PELI2: variants seen among roughly 807,000 people sequenced by gnomAD.
PELI2 encodes the protein pellino E3 ubiquitin protein ligase family member 2.
In PELI2, 23 loss-of-function variants were observed where a neutral mutation model predicts 42.3. The ratio of observed to expected loss-of-function variants is 0.54; its 90% CI spans 0.39 to 0.77. The LOEUF is 0.77. PELI2 is among the 30% of genes least tolerant of loss of function. The pLI is 0.00. For missense variants in PELI2, 463 were observed against 553.2 expected, an observed-to-expected ratio of 0.84 and a Z score of 1.64; for synonymous variants, 245 against 212.2, an observed-to-expected ratio of 1.15 and a Z score of -1.34.
intron 2 of PELI2, among the ~76,000 whole-genome samples, chr14:56,189,824 C>A (rs1320602404): frequency 1.3e-5 from 2 of 152,108 alleles, no homozygotes; most frequent in African/African-American, 4.8e-5. Flanking sequence ...TTAAATGTAT[C>A]TTTGTTTTTG....
intron 1 of PELI2, among the ~76,000 whole-genome samples, chr14:56,155,398 G>A (rs979344716): frequency 6.6e-6 from 1 of 152,072 alleles, no homozygotes; most frequent in African/African-American, 2.4e-5. Flanking sequence ...GTAAGATACA[G>A]CTTGAAACAA....
intron 2 of PELI2, among the ~76,000 whole-genome samples, chr14:56,274,928 A>C (rs183447728): frequency 6.6e-6 from 1 of 152,310 alleles, no homozygotes; most frequent in African/African-American, 2.4e-5. Flanking sequence ...ACTGTAATAA[A>C]GTGGTTTTTA....
chr14:56,213,126 C>G (rs1886768706), intron 2 of PELI2, among the ~76,000 whole-genome samples: 1 of 152,174 alleles, frequency 6.6e-6, no homozygotes, highest in Non-Finnish European at 1.5e-5. Flanking sequence ...TAGAAAGTGA[C>G]TGCAGGTAAA....
intron 2 of PELI2, among the ~76,000 whole-genome samples, chr14:56,243,433 C>T (rs957491710): frequency 6.6e-6 from 1 of 152,158 alleles, no homozygotes; most frequent in African/African-American, 2.4e-5. Context: ...TGAGAAGCGC[C>T]TGGCCCCAGT....
In PELI2 at chr14:56,174,825, C is replaced by A. The variant is rs145066222; in HGVS notation, c.78-3510C>A. 4.4e-4 allele frequency among the ~76,000 whole-genome samples: 67 copies of A among 152,226 alleles called. No individual in the cohort carries two copies. In the South Asian group the frequency reaches 5.6e-3, roughly 13 times the overall value. On this transcript the variant is annotated intron_variant, in intron 1 of 5. Coordinates refer to ENST00000267460, the MANE Select transcript of PELI2 (RefSeq NM_021255.3). The stretch of plus-strand genomic sequence containing the variant: ...TTCTTTACAGCAGTGTGAGAATGGA[C>A]TAATACAACCAGGACGTTACAGTCG...
intron 2 of PELI2, among the ~76,000 whole-genome samples, chr14:56,204,131 G>T (rs1185988046): frequency 6.6e-6 from 1 of 152,158 alleles, no homozygotes; most frequent in Non-Finnish European, 1.5e-5. Flanking sequence ...CGATTGATGG[G>T]AACGAATATC....
chr14:56,166,334 G>A (rs1027218989), intron 1 of PELI2, among the ~76,000 whole-genome samples: 2 of 152,124 alleles, frequency 1.3e-5, no homozygotes, highest in Non-Finnish European at 1.5e-5. Flanking sequence ...TACTGACTAT[G>A]TCTTGAAATG....
chr14:56,167,727 C>T (rs183801359), intron 1 of PELI2, among the ~76,000 whole-genome samples: 35 of 152,230 alleles, frequency 2.3e-4, no homozygotes, highest in Non-Finnish European at 4.1e-4. Flanking sequence ...CGTGTTGATG[C>T]TAGTAGATGT....
At chr14:56,125,267 AAGAC>A (rs1035923789) in intron 1 of PELI2, among the ~76,000 whole-genome samples, 22 of 152,300 alleles carry the variant, frequency 1.4e-4, no homozygotes, top group African/African-American at 5.3e-4. Flanking sequence ...ACCAGCAAAC[AAGAC>A]AGACAGCTGC....
chr14:56,227,611 C>G (rs1209106189), intron 2 of PELI2, among the ~76,000 whole-genome samples: 1 of 125,126 alleles, frequency 8.0e-6, no homozygotes, highest in African/African-American at 2.6e-5. Context: ...TAGCTATAGA[C>G]TTACATGTAG....
At chr14:56,133,655 C>G (rs957943889) in intron 1 of PELI2, among the ~76,000 whole-genome samples, 1 of 152,186 alleles carries the variant, frequency 6.6e-6, no homozygotes, top group African/African-American at 2.4e-5. Flanking sequence ...ACATGCAACT[C>G]CCTCTGCCTG....
At chr14:56,276,662 C>T (rs1371559546) in intron 2 of PELI2, among the ~76,000 whole-genome samples, 9 of 152,210 alleles carry the variant, frequency 5.9e-5, no homozygotes, top group Admixed American at 5.9e-4. Context: ...GGATTTGTTT[C>T]TGCCTGCAGT....
At chr14:56,121,687 C>T (rs1288921039) in intron 1 of PELI2, among the ~76,000 whole-genome samples, 1 of 152,140 alleles carries the variant, frequency 6.6e-6, no homozygotes, top group Non-Finnish European at 1.5e-5. Flanking sequence ...CTGAATAAGC[C>T]CTTCTCTCTT....
chr14:56,225,759 C>T lies in PELI2; in HGVS notation c.207+47295C>T, dbSNP rs145347697. On this transcript the variant is annotated intron_variant, in intron 2 of 5. Coordinates refer to ENST00000267460, the MANE Select transcript of PELI2 (RefSeq NM_021255.3). ...AAGGAGAGCCTGGAGAAAACCTATC[C>T]AGAGAAGCCTCTGACTAGGGGCAGC... Among the ~76,000 whole-genome samples, 67 of 152,280 alleles carry T rather than the reference C, an allele frequency of 4.4e-4. No homozygotes were observed. In the East Asian group the frequency reaches 0.01, roughly 23 times the overall value.
chr14:56,151,730 T>C (rs1225289782), intron 1 of PELI2, among the ~76,000 whole-genome samples: 1 of 152,244 alleles, frequency 6.6e-6, no homozygotes, highest in Non-Finnish European at 1.5e-5. Context: ...AGTAAGCATT[T>C]AGTAAGTTAT....
chr14:56,221,550 T>A (rs1162232162), intron 2 of PELI2, among the ~76,000 whole-genome samples: 1 of 152,246 alleles, frequency 6.6e-6, no homozygotes, highest in Non-Finnish European at 1.5e-5. Context: ...AAAACTCCTT[T>A]GTCTGACTGC....
chr14:56,178,035 T>G (rs1315987846), intron 1 of PELI2, among the ~76,000 whole-genome samples: 1 of 152,220 alleles, frequency 6.6e-6, no homozygotes, highest in Non-Finnish European at 1.5e-5. Flanking sequence ...ATACAGCCTC[T>G]GCAGAATACT....
chr14:56,181,509 G>T (rs1032107559), intron 2 of PELI2, among the ~76,000 whole-genome samples: 5 of 152,190 alleles, frequency 3.3e-5, no homozygotes, highest in African/African-American at 1.2e-4. Flanking sequence ...TTTGATTGTA[G>T]TTGGGAAAGT....
intron 2 of PELI2, among the ~76,000 whole-genome samples, chr14:56,226,898 T>A (rs555085761): frequency 2.0e-5 from 3 of 152,218 alleles, no homozygotes; most frequent in Non-Finnish European, 2.9e-5. Context: ...AACATGTACC[T>A]TAGTAGGAAT....
Sources: allele counts gnomAD v4.1 joint callset (sites outside exome capture counted in the v4.1 genomes callset), GRCh38; gene constraint gnomAD v4.1.1; transcripts MANE v1.5; gene names NCBI Gene and HGNC (gene_info 2026-07-23, HGNC 2026-07-21).